Variants in TNR observed in about 807,000 individuals in gnomAD.
TNR encodes the protein tenascin R, also known as tenascin-R.
A neutral mutation model predicts 150.4 loss-of-function variants in TNR; 45 were observed. The observed-to-expected ratio is 0.30, with a 90% CI of 0.24 to 0.38. The LOEUF is 0.38. Among genes scored for constraint, TNR ranks in the 10% least tolerant of loss-of-function variants. TNR has a pLI of 1.00. For synonymous variants in TNR, 687 were observed against 678.4 expected (o/e 1.01, Z -0.20); for missense variants, 1,544 against 1,759.1 (o/e 0.88, Z 2.19).
intron 2 of TNR, among the ~76,000 whole-genome samples, chr1:175,505,284 T>G (rs994792906): frequency 1.3e-5 from 2 of 152,208 alleles, no homozygotes; most frequent in Non-Finnish European, 2.9e-5. Context: ...CAGAACTCTT[T>G]CCCACTGGGC....
At chr1:175,445,798 C>T (rs1411021001) in intron 2 of TNR, among the ~76,000 whole-genome samples, 1 of 152,208 alleles carries the variant, frequency 6.6e-6, no homozygotes, top group Admixed American at 6.5e-5. Flanking sequence ...CATGCATGAC[C>T]TATGATTGCA....
chr1:175,504,538 C>G (rs1217607061), intron 2 of TNR, among the ~76,000 whole-genome samples: 1 of 152,174 alleles, frequency 6.6e-6, no homozygotes. Context: ...CATTTCTCCC[C>G]CTCACTCTGG....
At chr1:175,464,217 C>T (rs1656934923) in intron 2 of TNR, among the ~76,000 whole-genome samples, 1 of 152,198 alleles carries the variant, frequency 6.6e-6, no homozygotes, top group Non-Finnish European at 1.5e-5. Flanking sequence ...TTGCATTAAA[C>T]TCAGCACTTC....
At chr1:175,632,712 G>A (rs1338236882) in intron 1 of TNR, among the ~76,000 whole-genome samples, 3 of 152,134 alleles carry the variant, frequency 2.0e-5, no homozygotes, top group Non-Finnish European at 4.4e-5. Flanking sequence ...TCCTGAGAAT[G>A]GCCCTGCAAG....
intron 2 of TNR, among the ~76,000 whole-genome samples, chr1:175,469,468 G>A (rs538886895): frequency 6.6e-6 from 1 of 152,098 alleles, no homozygotes; most frequent in South Asian, 2.1e-4. Flanking sequence ...GAGAACAAGA[G>A]AGTTTTGAAC....
rs537094989 is a variant in TNR at position 175,408,360 on chromosome 1, A to G, written c.-63-1583T>C. On this transcript the variant is annotated intron_variant, in intron 2 of 22. Transcript: ENST00000367674. ...TCTCCAACTAATTTAATCCCTCTCC[A>G]TTATCCTCAAGTTAGATACTGGTCT... 2.2e-4 allele frequency among the ~76,000 whole-genome samples: 34 copies of G among 152,338 alleles called. No homozygotes were observed. In the East Asian group the frequency reaches 2.7e-3, roughly 12 times the overall value.
Position 175,320,966 on chromosome 1 carries a change from A to G in TNR, c.*2391T>C, listed in dbSNP as rs1649008968. ...GGAAATTAGAACTCATTCTAGTCTA[A>G]TCTCTCATCTGACAGATGAAGAAAC... On this transcript the variant is annotated 3_prime_UTR_variant, in exon 23 of 23. Transcript: ENST00000367674. The G allele has an allele frequency of 6.6e-6, 1 of 152,152 alleles. No homozygotes were observed. Among genetic ancestry groups the G allele is most frequent in the African/African-American group, 2.4e-5 (1 of 41,422 alleles). 9.4% of individuals were successfully genotyped at this position (152,152 alleles called of 1,614,324 possible).
chr1:175,458,812 CAA>C (rs1288737013), intron 2 of TNR, among the ~76,000 whole-genome samples: 2 of 152,128 alleles, frequency 1.3e-5, no homozygotes, highest in Admixed American at 1.3e-4. Flanking sequence ...ATTTTGAATG[CAA>C]AGATTATATT....
intron 1 of TNR, among the ~76,000 whole-genome samples, chr1:175,610,846 G>T (rs1176178210): frequency 1.3e-5 from 2 of 152,234 alleles, no homozygotes; most frequent in African/African-American, 4.8e-5. Flanking sequence ...TCCTGGAGGA[G>T]ATGCCACCAC....
At chr1:175,355,149 C>A (rs1399618306) in intron 17 of TNR, among the ~76,000 whole-genome samples, 2 of 152,204 alleles carry the variant, frequency 1.3e-5, no homozygotes, top group Non-Finnish European at 2.9e-5. Context: ...TTGGGAGTTT[C>A]CAATGTGCTT....
In TNR at chr1:175,481,393, T is replaced by C. The variant is rs1657803792; in HGVS notation, c.-64+46876A>G. On this transcript the variant is annotated intron_variant, in intron 2 of 22. Coordinates refer to ENST00000367674, the MANE Select transcript of TNR (RefSeq NM_003285.3). Reference sequence around the variant, plus strand: ...GGGAAATTCTCAGTCATCCTAAAAGTTGATTTTGGGCGTAAGATTCTGAGA... The same window carrying C: ...GGGAAATTCTCAGTCATCCTAAAAGCTGATTTTGGGCGTAAGATTCTGAGA... 3.9e-5 allele frequency among the ~76,000 whole-genome samples: 6 copies of C among 152,290 alleles called. No homozygotes were observed. The South Asian group carries it at 1.2e-3, about 32-fold the overall frequency.
intron 18 of TNR, among the ~76,000 whole-genome samples, chr1:175,353,696 A>G (rs1651172843): frequency 6.6e-6 from 1 of 152,222 alleles, no homozygotes; most frequent in Admixed American, 6.5e-5. Flanking sequence ...AAAGAGCTGC[A>G]GGTTTAATGT....
At chr1:175,593,644 A>G (rs1388965887) in intron 1 of TNR, among the ~76,000 whole-genome samples, 1 of 152,204 alleles carries the variant, frequency 6.6e-6, no homozygotes, top group African/African-American at 2.4e-5. Flanking sequence ...CAAAATCAAT[A>G]AAATTGTATT....
intron 2 of TNR, among the ~76,000 whole-genome samples, chr1:175,448,312 G>C (rs533307972): frequency 6.6e-6 from 1 of 152,296 alleles, no homozygotes; most frequent in East Asian, 1.9e-4. Context: ...CCACCTCCCA[G>C]GTTCAAGTGA....
intron 2 of TNR, among the ~76,000 whole-genome samples, chr1:175,473,297 T>A (rs1453304407): frequency 6.6e-6 from 1 of 152,198 alleles, no homozygotes; most frequent in Non-Finnish European, 1.5e-5. Flanking sequence ...TCTGTTCCTG[T>A]CAATATCATC....
intron 1 of TNR, among the ~76,000 whole-genome samples, chr1:175,657,871 A>ATG (rs1665236545): frequency 8.0e-6 from 1 of 125,494 alleles, no homozygotes; most frequent in Non-Finnish European, 1.7e-5. Context: ...ATATATATAT[A>ATG]TATATATATA....
At chr1:175,623,657 C>T (rs372123971) in intron 1 of TNR, among the ~76,000 whole-genome samples, 5 of 152,242 alleles carry the variant, frequency 3.3e-5, no homozygotes, top group African/African-American at 4.8e-5. Flanking sequence ...CCGATATCCA[C>T]GTGCCACTCA....
intron 1 of TNR, among the ~76,000 whole-genome samples, chr1:175,564,513 T>C (rs115065605): frequency 0.01 from 1,597 of 152,338 alleles, 24 homozygotes; most frequent in African/African-American, 0.036. Context: ...GCTCAGAATA[T>C]TTAAAAATAA....
intron 1 of TNR, among the ~76,000 whole-genome samples, chr1:175,711,342 G>A (rs1667008534): frequency 6.6e-6 from 1 of 151,646 alleles, no homozygotes. Flanking sequence ...CTGGCAGAGG[G>A]ACACCAAGTG....
Sources: gnomAD v4.1 joint callset for allele counts (sites outside exome capture counted in the v4.1 genomes callset) on GRCh38, gnomAD v4.1.1 for gene constraint, MANE v1.5 for transcripts, NCBI Gene and HGNC (gene_info 2026-07-23, HGNC 2026-07-21) for gene names.